FBXW7: variants seen among roughly 807,000 people sequenced by gnomAD.
The protein encoded by FBXW7 is F-box/WD repeat-containing protein 7.
Under a neutral mutation model 86.3 loss-of-function variants are expected in FBXW7, and 11 were observed. That is an observed-to-expected ratio of 0.13 (90% CI 0.08 to 0.21). FBXW7 has a LOEUF of 0.21. Among genes scored for constraint, FBXW7 ranks in the 10% least tolerant of loss-of-function variants. FBXW7 has a pLI of 1.00. For missense variants in FBXW7, 488 were observed against 847.4 expected (o/e 0.58, Z 5.27); for synonymous variants, 313 against 297.9 (o/e 1.05, Z -0.52).
intron 2 of FBXW7, among the ~76,000 whole-genome samples, chr4:152,498,280 A>G (rs1421484300): frequency 7.8e-6 from 1 of 128,726 alleles, no homozygotes; most frequent in Non-Finnish European, 1.6e-5. Flanking sequence ...GAGAAATAGA[A>G]GGCTTTTGTC....
chr4:152,322,700 T>A lies in FBXW7; in HGVS notation c.*181A>T. 1 of 1,029,708 alleles carries A rather than the reference T, an allele frequency of 9.7e-7. No individual in the cohort carries two copies. The highest frequency in any genetic ancestry group is 2.6e-5 in the East Asian group (1 of 37,750). 63.8% of individuals were successfully genotyped at this position (1,029,708 alleles called of 1,614,324 possible). On this transcript the variant is annotated 3_prime_UTR_variant, in exon 14 of 14. Transcript: ENST00000281708. Reference sequence around the variant, plus strand: ...CGCCTCTCTTGTCAGTTATGGTTTGTCATCTCTTCTTCTTTTCCTTCTTAG... The same window carrying A: ...CGCCTCTCTTGTCAGTTATGGTTTGACATCTCTTCTTCTTTTCCTTCTTAG...
At chr4:152,393,712 C>T (rs939669983) in intron 4 of FBXW7, among the ~76,000 whole-genome samples, 6 of 152,118 alleles carry the variant, frequency 3.9e-5, no homozygotes, top group Non-Finnish European at 7.4e-5. Flanking sequence ...TTCATACTTC[C>T]ATTCCTCATT....
intron 2 of FBXW7, among the ~76,000 whole-genome samples, chr4:152,531,203 C>T (rs940807368): frequency 7.2e-5 from 11 of 152,206 alleles, no homozygotes. Context: ...TGGCTGCCTT[C>T]TAAAATTCAT....
intron 2 of FBXW7, among the ~76,000 whole-genome samples, chr4:152,433,970 C>A (rs1011594306): frequency 6.6e-6 from 1 of 152,146 alleles, no homozygotes; most frequent in Non-Finnish European, 1.5e-5. Context: ...TTGAACAGCA[C>A]AGGTGCACTT....
chr4:152,382,653 G>T, intron 4 of FBXW7: 1 of 216,600 alleles, frequency 4.6e-6, no homozygotes, highest in Non-Finnish European at 8.7e-6. Flanking sequence ...AAGCAGGGCT[G>T]TGCTGTAAGG....
chr4:152,448,418 C>T (rs1741601053), intron 2 of FBXW7, among the ~76,000 whole-genome samples: 1 of 152,138 alleles, frequency 6.6e-6, no homozygotes, highest in Non-Finnish European at 1.5e-5. Flanking sequence ...ATTTTCATTG[C>T]ATATTTTTAT....
chr4:152,527,004 G>A (rs572720066), intron 2 of FBXW7, among the ~76,000 whole-genome samples: 6 of 152,284 alleles, frequency 3.9e-5, no homozygotes, highest in Admixed American at 3.9e-4. Context: ...TATAAGGCCT[G>A]ATTTAAATCT....
In FBXW7 at chr4:152,322,771, CACT is replaced by C; in HGVS notation, c.*107_*109del. On this transcript the variant is annotated 3_prime_UTR_variant, in exon 14 of 14. Coordinates refer to ENST00000281708, the MANE Select transcript of FBXW7 (RefSeq NM_001349798.2). ...GTTGCCCCAAGCCAACATCCTGCAC[CACT>C]GAGAACAAGGGATTTTTTTCTTTTT... The C allele has an allele frequency of 6.6e-7, 1 of 1,509,586 alleles. No individual in the cohort carries two copies. Among genetic ancestry groups the C allele is most frequent in the Non-Finnish European group, 8.8e-7 (1 of 1,131,790 alleles). The allele number at this position is 1,509,586 out of a possible 1,614,324, so 93.5% of individuals were successfully genotyped here. A position where few individuals can be genotyped will look rare whatever the true frequency, so the allele number is the denominator to read the frequency against.
intron 2 of FBXW7, among the ~76,000 whole-genome samples, chr4:152,520,066 C>T (rs749593025): frequency 3.3e-4 from 50 of 152,198 alleles, no homozygotes; most frequent in Non-Finnish European, 4.8e-4. Flanking sequence ...ATTACAAAAT[C>T]TACATTCTTA....
intron 2 of FBXW7, among the ~76,000 whole-genome samples, chr4:152,433,631 T>C (rs1740104731): frequency 6.6e-6 from 1 of 152,220 alleles, no homozygotes; most frequent in Non-Finnish European, 1.5e-5. Context: ...AGCTTCCATA[T>C]GCAAACACTG....
chr4:152,384,836 G>C (rs1281897195), intron 4 of FBXW7, among the ~76,000 whole-genome samples: 2 of 151,846 alleles, frequency 1.3e-5, no homozygotes, highest in Non-Finnish European at 2.9e-5. Context: ...ACTGGTAGTA[G>C]AAAAAAAGTG....
intron 2 of FBXW7, among the ~76,000 whole-genome samples, 164 bp downstream of exon 2, chr4:152,534,777 C>T (rs1285073974): frequency 6.6e-6 from 1 of 152,152 alleles, no homozygotes; most frequent in Non-Finnish European, 1.5e-5. Context: ...TAAAAAGTTA[C>T]AAAATACAGG....
chr4:152,438,231 A>C (rs558061826), intron 2 of FBXW7, among the ~76,000 whole-genome samples: 23 of 152,338 alleles, frequency 1.5e-4, no homozygotes, highest in African/African-American at 5.5e-4. Flanking sequence ...TTTAGACAGA[A>C]TGCTATTGCA....
intron 2 of FBXW7, among the ~76,000 whole-genome samples, chr4:152,533,981 T>A (rs1362599361): frequency 6.6e-6 from 1 of 152,198 alleles, no homozygotes; most frequent in Non-Finnish European, 1.5e-5. Context: ...TATACTACTG[T>A]CTATGTCTTC....
chr4:152,483,357 G>A (rs1276426478), intron 2 of FBXW7, among the ~76,000 whole-genome samples: 1 of 151,142 alleles, frequency 6.6e-6, no homozygotes, highest in South Asian at 2.1e-4. Flanking sequence ...TTGTAATAGA[G>A]TCAAATCTGT....
At chr4:152,369,671 T>C (rs902835932) in intron 4 of FBXW7, among the ~76,000 whole-genome samples, 10 of 152,036 alleles carry the variant, frequency 6.6e-5, no homozygotes, top group African/African-American at 2.4e-4. Context: ...ACTTGTCATA[T>C]TGAAAAATTA....
At chr4:152,408,842 G>C (rs1441640920) in intron 4 of FBXW7, among the ~76,000 whole-genome samples, 1 of 152,202 alleles carries the variant, frequency 6.6e-6, no homozygotes, top group Non-Finnish European at 1.5e-5. Context: ...CGGCCTCTCT[G>C]TAACTTTTGT....
rs533934781 is a variant in FBXW7, at chr4:152,463,515, A to T, written c.-119-50986T>A. On this transcript the variant is annotated intron_variant, in intron 2 of 13. Coordinates refer to ENST00000281708, the MANE Select transcript of FBXW7 (RefSeq NM_001349798.2). ...AAGTGTAGACAAGAAGTGGTCAGAG[A>T]TATTACAGGGCTTGTGACATGAGAA... 3.9e-5 allele frequency among the ~76,000 whole-genome samples: 6 copies of T among 152,286 alleles called. No homozygotes were observed. The South Asian group carries it at 1.2e-3, about 32-fold the overall frequency.
intron 4 of FBXW7, among the ~76,000 whole-genome samples, chr4:152,360,663 T>G (rs747232702): frequency 2.0e-5 from 3 of 151,932 alleles, no homozygotes; most frequent in Non-Finnish European, 4.4e-5. Flanking sequence ...AAACCGTTCA[T>G]CAGGTACAGA....
Sources: gnomAD v4.1 joint callset for allele counts (sites outside exome capture counted in the v4.1 genomes callset) on GRCh38, gnomAD v4.1.1 for gene constraint, MANE v1.5 for transcripts, NCBI Gene and HGNC (gene_info 2026-07-23, HGNC 2026-07-21) for gene names.